The following USP39 variants were observed in gnomAD, a reference collection of about 807,000 sequenced individuals.
The protein encoded by USP39 is ubiquitin carboxyl-terminal hydrolase 39.
Under a neutral mutation model 66.4 loss-of-function variants are expected in USP39, and 38 were observed. That is an observed-to-expected ratio of 0.57 (90% CI 0.44 to 0.75). The LOEUF is 0.75. Ranked by LOEUF, USP39 falls within the 30% of genes least tolerant of loss-of-function variation. The pLI is 0.00. For missense variants in USP39, 608 were observed against 714.4 expected, an observed-to-expected ratio of 0.85 and a Z score of 1.70; for synonymous variants, 303 against 274.6, an observed-to-expected ratio of 1.10 and a Z score of -1.02.
Position 85,616,338 on chromosome 2 carries a change from T to G in USP39, c.143T>G (p.Val48Gly). 3 of 1,601,194 alleles carry G rather than the reference T, an allele frequency of 1.9e-6. No individual in the cohort carries two copies. Among genetic ancestry groups the G allele is most frequent in the Non-Finnish European group, 2.6e-6 (3 of 1,174,100 alleles). ...GCGGCGAGCTCCCGGGGCAGCCCTG[T>G]GCGCGTGAAGCGGGAGTTCGAGCCG... is the stretch of plus-strand genomic sequence containing the variant. ...PEAASSRGSP[V>G]RVKREFEPAS... The change falls in exon 1 of 13, where the codon GTG becomes GGG. Residue 48 changes from valine to glycine, a missense_variant. This residue lies in a region of USP39 where 207 missense variants were observed against 145.7 expected (regional missense o/e 1.42). Transcript: ENST00000323701.
chr2:85,641,058 G>C lies in USP39; in HGVS notation c.1367G>C (p.Arg456Thr), dbSNP rs1044660. 1.9e-6 allele frequency: 3 copies of C among 1,613,704 alleles called. No individual in the cohort carries two copies. The highest frequency in any genetic ancestry group is 2.5e-6 in the Non-Finnish European group (3 of 1,179,958). Residue 456 changes from arginine (R) to threonine (T), a missense_variant, in exon 10 of 13, where the codon AGA becomes ACA. By Grantham distance (71) the Arg-to-Thr change is moderately conservative (BLOSUM62 -1). This residue lies in a region of USP39 where 164 missense variants were observed against 250.3 expected (regional missense o/e 0.66). Coordinates refer to ENST00000323701, the MANE Select transcript of USP39 (RefSeq NM_006590.4). ...LPPYLIFCIK[R>T]FTKNNFFVEK... The stretch of plus-strand genomic sequence containing the variant: ...CCATATCTAATCTTTTGTATCAAGA[G>C]ATTCACTAAGAACAACTTCTTTGTT...
upstream of USP39, chr2:85,611,162 C>A (rs1673494699): frequency 1.2e-6 from 1 of 806,452 alleles, no homozygotes; most frequent in South Asian, 2.5e-5. Context: ...AAGCCCAGAT[C>A]GCACCATTGC....
At chr2:85,621,382 A>G (rs1481415300) in intron 2 of USP39, 103 bp from the exon 3 acceptor site, 1 of 936,442 alleles carries the variant, frequency 1.1e-6, no homozygotes, top group Non-Finnish European at 1.7e-6. Context: ...CTGTTTTCTG[A>G]AGGATGTTAT....
intron 8 of USP39, 124 bp from the exon 9 acceptor site, chr2:85,639,079 C>A: frequency 1.0e-6 from 1 of 968,556 alleles, no homozygotes; most frequent in Non-Finnish European, 1.5e-6. Flanking sequence ...ACTGCCCAAT[C>A]TCTCGGGCAC....
At chr2:85,647,727 GAGTT>G in intron 11 of USP39, among the ~76,000 whole-genome samples, 199 bp from the exon 12 acceptor site, 1 of 151,790 alleles carries the variant, frequency 6.6e-6, no homozygotes, top group East Asian at 1.9e-4. Context: ...AACAGGAATT[GAGTT>G]TGCCATGATT....
chr2:85,629,303 C>T (rs775633302), intron 5 of USP39, among the ~76,000 whole-genome samples: 29 of 151,846 alleles, frequency 1.9e-4, no homozygotes, highest in South Asian at 4.2e-4. Flanking sequence ...TCAAGTGATC[C>T]GCCCACCTTG....
chr2:85,632,522 G>A (rs1328497276), intron 6 of USP39, among the ~76,000 whole-genome samples: 1 of 147,278 alleles, frequency 6.8e-6, no homozygotes. Context: ...ATCTCGGCTC[G>A]CTGCAACCTC....
rs562665913 is a variant in USP39 at position 85,629,504 on chromosome 2, T to C, written c.724-1217T>C. On this transcript the variant is annotated intron_variant, in intron 5 of 12. Transcript: ENST00000323701. ...TTTGACCATTTTCTCTTTCTCTTTT[T>C]TTTTTTTTTGAGACGGAGTTTTGCT... 3.6e-4 allele frequency among the ~76,000 whole-genome samples: 54 copies of C among 151,718 alleles called. 2 individuals are homozygous for C. In the South Asian group the frequency reaches 9.6e-3, roughly 27 times the overall value.
At chr2:85,625,801 C>T (rs1267845926) in intron 5 of USP39, 110 bp downstream of exon 5, 3 of 1,398,758 alleles carry the variant, frequency 2.1e-6, no homozygotes, top group East Asian at 2.5e-5. Context: ...GGCGGATTGC[C>T]TGAGGTCAAG....
intron 6 of USP39, among the ~76,000 whole-genome samples, chr2:85,634,088 C>T (rs1250004324): frequency 1.3e-5 from 2 of 151,058 alleles, no homozygotes; most frequent in African/African-American, 2.4e-5. Flanking sequence ...CCGTCCGCCT[C>T]GGCCTCCCAA....
intron 6 of USP39, among the ~76,000 whole-genome samples, chr2:85,632,954 A>G (rs1675475007): frequency 6.6e-6 from 1 of 152,048 alleles, no homozygotes; most frequent in South Asian, 2.1e-4. Flanking sequence ...GGTGGGCAGA[A>G]GAGAAAAGTG....
intron 10 of USP39, 92 bp downstream of exon 10, chr2:85,641,210 G>A: frequency 6.6e-7 from 1 of 1,521,420 alleles, no homozygotes; most frequent in African/African-American, 1.4e-5. Flanking sequence ...GACTGTCTTA[G>A]TTGGGGATTA....
At chr2:85,632,743 C>G (rs1052528349) in intron 6 of USP39, among the ~76,000 whole-genome samples, 1 of 152,052 alleles carries the variant, frequency 6.6e-6, no homozygotes, top group African/African-American at 2.4e-5. Flanking sequence ...CCACCACGCC[C>G]GGCTCAACTA....
In USP39 at chr2:85,648,124, G is replaced by A; in HGVS notation, c.1650+108G>A. 8 of 1,135,388 alleles carry A rather than the reference G, an allele frequency of 7.0e-6. No homozygotes were observed. In the South Asian group the frequency reaches 9.3e-5, roughly 13 times the overall value. 70.3% of individuals were successfully genotyped at this position (1,135,388 alleles called of 1,614,324 possible). A position where few individuals can be genotyped will look rare whatever the true frequency, so the allele number is the denominator to read the frequency against. On this transcript the variant is annotated intron_variant, in intron 12 of 12. Coordinates refer to ENST00000323701, the MANE Select transcript of USP39 (RefSeq NM_006590.4). ...ATAGAGTTAGGACCTTGGTTGGAGG[G>A]CCAGGTACCTATTGGGAAGTACTTA...
chr2:85,642,290 A>G (rs1263344628), intron 10 of USP39, among the ~76,000 whole-genome samples: 1 of 151,922 alleles, frequency 6.6e-6, no homozygotes, highest in Non-Finnish European at 1.5e-5. Flanking sequence ...AAATGGGGGG[A>G]CATGGAGGTT....
chr2:85,640,327 T>TG (rs1486041614), intron 9 of USP39, among the ~76,000 whole-genome samples: 2 of 151,598 alleles, frequency 1.3e-5, no homozygotes, highest in Admixed American at 1.3e-4. Context: ...CTCACTCTGT[T>TG]GCCTAGGCTG....
upstream of USP39, among the ~76,000 whole-genome samples, chr2:85,614,984 G>A (rs1573385289): frequency 2.1e-5 from 1 of 47,200 alleles, no homozygotes. Context: ...CACACAGTGT[G>A]GTGTGGTGTG....
At chr2:85,621,336 A>G in intron 2 of USP39, 149 bp from the exon 3 acceptor site, 2 of 626,166 alleles carry the variant, frequency 3.2e-6, no homozygotes, top group Non-Finnish European at 5.6e-6. Context: ...GGTGAGGAAT[A>G]ATCAGTGTCC....
Position 85,637,359 on chromosome 2 carries a change from G to C in USP39, c.1028-10G>C, listed in dbSNP as rs1675855045. ...TCACGGAATTTGTCTCTTGCTTCCT[G>C]TTTGTGCAGCTATTGTGACTGATGT... On this transcript the variant is annotated splice_polypyrimidine_tract_variant and intron_variant, in intron 7 of 12. Coordinates refer to ENST00000323701, the MANE Select transcript of USP39 (RefSeq NM_006590.4). 4 of 1,614,036 alleles carry C rather than the reference G, an allele frequency of 2.5e-6. No homozygotes were observed. In the Admixed American group the frequency reaches 5.0e-5, roughly 20 times the overall value.
Sources: allele counts gnomAD v4.1 joint callset (sites outside exome capture counted in the v4.1 genomes callset), GRCh38; gene constraint gnomAD v4.1.1; regional missense constraint gnomAD v4.1.1; transcripts MANE v1.5; gene names NCBI Gene and HGNC (gene_info 2026-07-23, HGNC 2026-07-21).